Variants in TEAD1 observed in about 807,000 individuals in gnomAD.
TEAD1 encodes transcriptional enhancer factor TEF-1.
A neutral mutation model predicts 54.9 loss-of-function variants in TEAD1; 9 were observed. The ratio of observed to expected loss-of-function variants is 0.16; its 90% confidence interval spans 0.10 to 0.29. TEAD1 has a LOEUF of 0.29. TEAD1 is among the 10% of genes least tolerant of loss of function. TEAD1 has a pLI of 1.00. For synonymous variants in TEAD1, 200 were observed against 187.8 expected (o/e 1.07, Z -0.53); for missense variants, 387 against 535.9 (o/e 0.72, Z 2.74).
intron 5 of TEAD1, among the ~76,000 whole-genome samples, chr11:12,870,776 C>G (rs1051574230): frequency 7.9e-5 from 12 of 152,120 alleles, no homozygotes; most frequent in African/African-American, 2.9e-4. Flanking sequence ...GTTATAGCTA[C>G]TTGGGAGGCT....
chr11:12,845,818 A>G (rs1947134206), intron 3 of TEAD1, among the ~76,000 whole-genome samples: 1 of 152,210 alleles, frequency 6.6e-6, no homozygotes, highest in Admixed American at 6.5e-5. Context: ...CCAAATGCAC[A>G]TAGAATTGGT....
At chr11:12,768,419 C>T (rs997343470) in intron 3 of TEAD1, among the ~76,000 whole-genome samples, 7 of 152,330 alleles carry the variant, frequency 4.6e-5, no homozygotes, top group African/African-American at 1.4e-4. Context: ...AAGAAGTGCT[C>T]TCTGCCAAGC....
intron 2 of TEAD1, among the ~76,000 whole-genome samples, chr11:12,697,611 C>T (rs1465186107): frequency 6.6e-6 from 1 of 152,130 alleles, no homozygotes; most frequent in African/African-American, 2.4e-5. Flanking sequence ...CTCAATATAA[C>T]ATGTTTTACT....
At chr11:12,677,125 G>A (rs773356570) in intron 2 of TEAD1, among the ~76,000 whole-genome samples, 2 of 152,080 alleles carry the variant, frequency 1.3e-5, no homozygotes, top group Non-Finnish European at 1.5e-5. Flanking sequence ...CGGGGAACAT[G>A]CCTGAGAGAG....
At chr11:12,715,288 G>A (rs556599215) in intron 2 of TEAD1, among the ~76,000 whole-genome samples, 4 of 152,052 alleles carry the variant, frequency 2.6e-5, no homozygotes, top group South Asian at 4.2e-4. Context: ...GAAAAGCCTC[G>A]TGACCCAGTG....
In TEAD1 at chr11:12,870,800, T is replaced by C. The variant is rs143752070; in HGVS notation, c.330+5900T>C. Among the ~76,000 whole-genome samples the C allele has an allele frequency of 1.2e-3, 185 of 152,132 alleles. 1 individual carries two copies. Among genetic ancestry groups the C allele is most frequent in the African/African-American group, 4.3e-3 (179 of 41,504 alleles). On this transcript the variant is annotated intron_variant, in intron 5 of 12. Coordinates refer to ENST00000527636, the MANE Select transcript of TEAD1 (RefSeq NM_021961.6). The stretch of plus-strand genomic sequence containing the variant: ...ACTTGGGAGGCTGGGGCAGGAGGGT[T>C]GCTTGAACTTGGGAGGTGGAGGTTG...
intron 2 of TEAD1, among the ~76,000 whole-genome samples, chr11:12,761,902 T>C (rs1945110462): frequency 6.6e-6 from 1 of 152,180 alleles, no homozygotes; most frequent in South Asian, 2.1e-4. Context: ...AAGGGTAGAC[T>C]GTGACCAGTT....
chr11:12,929,835 C>G (rs1948981658), intron 11 of TEAD1, among the ~76,000 whole-genome samples: 1 of 152,132 alleles, frequency 6.6e-6, no homozygotes, highest in Admixed American at 6.5e-5. Flanking sequence ...AGAACTGTAG[C>G]TAGCTGGGGC....
At chr11:12,861,757 C>T (rs573840570) in intron 3 of TEAD1, among the ~76,000 whole-genome samples, 10 of 152,286 alleles carry the variant, frequency 6.6e-5, no homozygotes, top group African/African-American at 2.2e-4. Context: ...GAGGCCAAGG[C>T]GGGTGGATCA....
At chr11:12,715,285 C>T (rs998717879) in intron 2 of TEAD1, among the ~76,000 whole-genome samples, 2 of 152,120 alleles carry the variant, frequency 1.3e-5, no homozygotes, top group Non-Finnish European at 2.9e-5. Context: ...ATGGAAAAGC[C>T]TCGTGACCCA....
intron 10 of TEAD1, among the ~76,000 whole-genome samples, chr11:12,913,204 G>A (rs1948648171): frequency 1.3e-5 from 2 of 152,036 alleles, no homozygotes; most frequent in South Asian, 4.1e-4. Context: ...TGGTGTGAGA[G>A]ACCCCCTCTC....
At chr11:12,724,641 C>G (rs1007292602) in intron 2 of TEAD1, among the ~76,000 whole-genome samples, 26 of 152,204 alleles carry the variant, frequency 1.7e-4, no homozygotes, top group African/African-American at 6.3e-4. Context: ...AGTTCAGGTG[C>G]CTTTGAAACA....
chr11:12,748,465 C>G (rs1944796789), intron 2 of TEAD1, among the ~76,000 whole-genome samples: 1 of 152,186 alleles, frequency 6.6e-6, no homozygotes, highest in African/African-American at 2.4e-5. Context: ...AGGCTGAGAA[C>G]AGGTGTGAAA....
chr11:12,834,750 C>G (rs1234596687), intron 3 of TEAD1, among the ~76,000 whole-genome samples: 2 of 149,664 alleles, frequency 1.3e-5, no homozygotes, highest in Non-Finnish European at 3.0e-5. Context: ...AGGTTCACAC[C>G]TCTGTGCCCA....
At chr11:12,861,016 G>A (rs535714589) in intron 3 of TEAD1, among the ~76,000 whole-genome samples, 4 of 152,264 alleles carry the variant, frequency 2.6e-5, no homozygotes, top group Admixed American at 2.0e-4. Context: ...TTGACCAAAG[G>A]AATTTTTCAC....
intron 11 of TEAD1, among the ~76,000 whole-genome samples, chr11:12,928,734 A>G (rs1372876881): frequency 6.6e-6 from 1 of 151,234 alleles, no homozygotes; most frequent in African/African-American, 2.4e-5. Flanking sequence ...CTTTTAATTA[A>G]TTATTTTTAA....
chr11:12,898,995 C>T (rs1459000877), intron 9 of TEAD1, among the ~76,000 whole-genome samples: 1 of 152,160 alleles, frequency 6.6e-6, no homozygotes, highest in African/African-American at 2.4e-5. Flanking sequence ...AGTGCAGGGA[C>T]ATTTTGATGT....
At chr11:12,828,709 C>A (rs1332201869) in intron 3 of TEAD1, among the ~76,000 whole-genome samples, 1 of 144,320 alleles carries the variant, frequency 6.9e-6, no homozygotes, top group Admixed American at 7.1e-5. Flanking sequence ...TACCTATTAA[C>A]CAAAAAATCT....
intron 3 of TEAD1, among the ~76,000 whole-genome samples, chr11:12,769,180 A>G (rs980837668): frequency 3.9e-5 from 6 of 152,198 alleles, no homozygotes; most frequent in Non-Finnish European, 7.4e-5. Context: ...CTGGGATACC[A>G]GGACTACTGG....
Sources: allele counts gnomAD v4.1 joint callset (sites outside exome capture counted in the v4.1 genomes callset), GRCh38; gene constraint gnomAD v4.1.1; transcripts MANE v1.5; gene names NCBI Gene and HGNC (gene_info 2026-07-23, HGNC 2026-07-21).